Variants in ZNF808 observed in about 807,000 individuals in gnomAD.
ZNF808 encodes zinc finger protein 808.
Under a neutral mutation model 8.7 loss-of-function variants are expected in ZNF808, and 5 were observed. The ratio of observed to expected loss-of-function variants is 0.58; its 90% CI spans 0.30 to 1.21. ZNF808 has a LOEUF of 1.21. Among genes scored for constraint, ZNF808 ranks in the 50% most tolerant of loss-of-function variants. The pLI is 0.07. For missense variants in ZNF808, 1,103 were observed against 1,098.4 expected (o/e 1.00, Z -0.06); for synonymous variants, 380 against 366.0 (o/e 1.04, Z -0.44).
At chr19:52,545,699 A>C (rs1489383215) in intron 3 of ZNF808, among the ~76,000 whole-genome samples, 2 of 151,958 alleles carry the variant, frequency 1.3e-5, no homozygotes, top group Admixed American at 6.6e-5. Context: ...AATTGCTTGA[A>C]CCTGGGTGGC....
At chr19:52,558,843 C>T (rs545741975), downstream of ZNF808, among the ~76,000 whole-genome samples, 38 of 152,330 alleles carry the variant, frequency 2.5e-4, no homozygotes, top group East Asian at 6.6e-3. Context: ...CCTGTGCTGG[C>T]AGAAACATGT....
intron 2 of ZNF808, chr19:52,535,905 C>G (rs1406953598): frequency 6.6e-6 from 1 of 152,214 alleles, no homozygotes; most frequent in Admixed American, 6.5e-5. Flanking sequence ...TTCTAAAGGG[C>G]AAGGTCTCTC....
At chr19:52,551,028 C>G (rs1310590906) in intron 4 of ZNF808, among the ~76,000 whole-genome samples, 1 of 151,942 alleles carries the variant, frequency 6.6e-6, no homozygotes, top group Non-Finnish European at 1.5e-5. Flanking sequence ...TGAGACCAGT[C>G]AGGCAAACAT....
chr19:52,543,630 G>A (rs2059693764), intron 3 of ZNF808, among the ~76,000 whole-genome samples: 1 of 152,142 alleles, frequency 6.6e-6, no homozygotes, highest in Non-Finnish European at 1.5e-5. Flanking sequence ...ATGGGGTGTG[G>A]GCCCGTTGAT....
chr19:52,542,194 A>G (rs1354870363), intron 2 of ZNF808, among the ~76,000 whole-genome samples: 5 of 152,082 alleles, frequency 3.3e-5, no homozygotes, highest in African/African-American at 1.2e-4. Context: ...CCTGGGATCA[A>G]GGGATTCTCC....
At chr19:52,537,372 T>C (rs73576268) in intron 2 of ZNF808, among the ~76,000 whole-genome samples, 7,261 of 151,230 alleles carry the variant, frequency 0.048, 524 homozygotes, top group African/African-American at 0.16. Flanking sequence ...ATGTACAGAA[T>C]TAGAGAGGGA....
At chr19:52,533,890 A>T (rs1405618381) in intron 2 of ZNF808, among the ~76,000 whole-genome samples, 1 of 149,490 alleles carries the variant, frequency 6.7e-6, no homozygotes, top group African/African-American at 2.5e-5. Flanking sequence ...GATAGATTGT[A>T]CCTGTGTCTC....
At chr19:52,539,904 G>A (rs756449187) in intron 2 of ZNF808, among the ~76,000 whole-genome samples, 10 of 151,928 alleles carry the variant, frequency 6.6e-5, no homozygotes, top group Admixed American at 4.6e-4. Context: ...GAGTGCAGTG[G>A]CAGGATCACA....
intron 2 of ZNF808, among the ~76,000 whole-genome samples, chr19:52,539,845 G>A (rs1345141871): frequency 6.6e-6 from 1 of 151,706 alleles, no homozygotes; most frequent in Non-Finnish European, 1.5e-5. Flanking sequence ...GAGCCGCTGC[G>A]CCCGGCCTTT....
intron 2 of ZNF808, chr19:52,536,039 C>A: frequency 6.0e-6 from 1 of 166,450 alleles, no homozygotes; most frequent in South Asian, 1.3e-4. Flanking sequence ...AAGGTCGTAC[C>A]GCGGCGCGTG....
chr19:52,564,653 T>C (rs572089895), downstream of ZNF808, among the ~76,000 whole-genome samples: 1 of 152,186 alleles, frequency 6.6e-6, no homozygotes, highest in Admixed American at 6.6e-5. Context: ...GGAAAAAATC[T>C]ATATAAAACA....
chr19:52,557,527 C>T (rs2059842406), downstream of ZNF808, among the ~76,000 whole-genome samples: 2 of 152,178 alleles, frequency 1.3e-5, no homozygotes, highest in South Asian at 4.1e-4. Flanking sequence ...CTTGCCCTCC[C>T]AAAGTGCTAG....
downstream of ZNF808, among the ~76,000 whole-genome samples, chr19:52,565,686 C>T (rs1422267466): frequency 6.6e-6 from 1 of 152,208 alleles, no homozygotes. Flanking sequence ...CCTCCACCCT[C>T]TCTCACATAT....
rs570900011 is a variant in ZNF808 at position 52,542,877 on chromosome 19, C to T, written c.-19-389C>T. ...AGGCTGGAGTGCAGTGGCACGATCT[C>T]GACTCACTGCAACCTCTGCCTCCTG... On this transcript the variant is annotated intron_variant, in intron 2 of 4. Coordinates refer to ENST00000359798, the MANE Select transcript of ZNF808 (RefSeq NM_001039886.4). Among the ~76,000 whole-genome samples the T allele has an allele frequency of 3.4e-4, 52 of 151,456 alleles. No individual in the cohort carries two copies. The East Asian group carries it at 8.2e-3, about 24-fold the overall frequency.
At position 52,554,425 on chromosome 19, in the gene ZNF808, A is replaced by G. The variant is rs2059812373; in HGVS notation, c.1509A>G (p.Arg503=). 1.9e-6 allele frequency: 3 copies of G among 1,614,110 alleles called. No individual in the cohort carries two copies. The highest frequency in any genetic ancestry group is 2.5e-6 in the Non-Finnish European group (3 of 1,180,016). The change falls in exon 5 of 5, where the codon AGA becomes AGG. Residue 503 remains arginine (R), a synonymous_variant. Coordinates refer to ENST00000359798, the MANE Select transcript of ZNF808 (RefSeq NM_001039886.4). ...GGTCATCCCTTCTATGCCATCGTAGACTTCATAGTGGTGAAAAACCTTACA... is the reference window on the plus strand; with the variant it reads ...GGTCATCCCTTCTATGCCATCGTAGGCTTCATAGTGGTGAAAAACCTTACA... ...SRRSSLLCHR[R]LHSGEKPYKC...
chr19:52,531,867 TAGTC>T (rs755254918), intron 1 of ZNF808, among the ~76,000 whole-genome samples: 3 of 152,204 alleles, frequency 2.0e-5, no homozygotes, highest in Non-Finnish European at 2.9e-5. Flanking sequence ...CTGACACTGT[TAGTC>T]AGTTCTTATT....
At chr19:52,552,560 G>A (rs763879704) in intron 4 of ZNF808, among the ~76,000 whole-genome samples, 4 of 151,664 alleles carry the variant, frequency 2.6e-5, no homozygotes, top group East Asian at 1.9e-4. Flanking sequence ...CTACAGGCAC[G>A]GACCATCACA....
At chr19:52,535,425 C>G (rs1215476044) in intron 2 of ZNF808, among the ~76,000 whole-genome samples, 1 of 152,016 alleles carries the variant, frequency 6.6e-6, no homozygotes, top group Non-Finnish European at 1.5e-5. Context: ...TACTTTGTCA[C>G]CCAGGCTGGC....
chr19:52,529,783 C>T (rs1351582622), intron 1 of ZNF808, among the ~76,000 whole-genome samples: 2 of 151,882 alleles, frequency 1.3e-5, no homozygotes, highest in East Asian at 1.9e-4. Context: ...AGTGCAGTGG[C>T]GTGATCCTCT....
Sources: allele counts gnomAD v4.1 joint callset (sites outside exome capture counted in the v4.1 genomes callset), GRCh38; gene constraint gnomAD v4.1.1; transcripts MANE v1.5; gene names NCBI Gene and HGNC (gene_info 2026-07-23, HGNC 2026-07-21).